CCDC126: variants seen among roughly 807,000 people sequenced by gnomAD.
CCDC126 encodes coiled-coil domain-containing protein 126.
Under a neutral mutation model 11.7 loss-of-function variants are expected in CCDC126, and 5 were observed. That is an observed-to-expected ratio of 0.43 (90% CI 0.22 to 0.90). The LOEUF is 0.90. Among genes scored for constraint, CCDC126 ranks in the 40% least tolerant of loss-of-function variants. The pLI is 0.27. For synonymous variants in CCDC126, 60 were observed against 61.9 expected (o/e 0.97, Z 0.14); for missense variants, 150 against 163.1 (o/e 0.92, Z 0.44).
intron 3 of CCDC126, among the ~76,000 whole-genome samples, chr7:23,630,097 A>G (rs1783084487): frequency 6.6e-6 from 1 of 152,274 alleles, no homozygotes; most frequent in South Asian, 2.1e-4. Context: ...ACAAGTTTTA[A>G]AATTTGTACA....
intron 2 of CCDC126, among the ~76,000 whole-genome samples, chr7:23,602,499 G>A (rs1210295653): frequency 6.6e-6 from 1 of 152,104 alleles, no homozygotes; most frequent in South Asian, 2.1e-4. Flanking sequence ...GGAACACAAA[G>A]CTTTCTTTGC....
intron 2 of CCDC126, among the ~76,000 whole-genome samples, chr7:23,600,676 T>C (rs1782525154): frequency 6.6e-6 from 1 of 152,178 alleles, no homozygotes; most frequent in African/African-American, 2.4e-5. Flanking sequence ...TTGCTGTTGA[T>C]AGTTACTTTA....
intron 3 of CCDC126, among the ~76,000 whole-genome samples, chr7:23,641,667 G>C (rs569850368): frequency 1.3e-5 from 2 of 152,124 alleles, no homozygotes; most frequent in Admixed American, 6.6e-5. Context: ...AACAGTATTC[G>C]TTGTCACTAA....
intron 2 of CCDC126, among the ~76,000 whole-genome samples, chr7:23,610,677 T>A (rs753534934): frequency 6.6e-6 from 1 of 152,216 alleles, no homozygotes; most frequent in Non-Finnish European, 1.5e-5. Flanking sequence ...TAATTTCTGG[T>A]GACATTTTCA....
chr7:23,640,810 A>G (rs928082345), intron 3 of CCDC126, among the ~76,000 whole-genome samples: 1 of 152,172 alleles, frequency 6.6e-6, no homozygotes, highest in African/African-American at 2.4e-5. Context: ...TGTAGCATGT[A>G]TCAGAATGTC....
intron 3 of CCDC126, among the ~76,000 whole-genome samples, chr7:23,634,963 T>G (rs568155270): frequency 6.6e-6 from 1 of 152,352 alleles, no homozygotes; most frequent in South Asian, 2.1e-4. Flanking sequence ...AGAATCTTTT[T>G]ATACCCAATA....
At chr7:23,624,447 A>G (rs1403883337) in intron 3 of CCDC126, among the ~76,000 whole-genome samples, 1 of 152,186 alleles carries the variant, frequency 6.6e-6, no homozygotes, top group African/African-American at 2.4e-5. Context: ...CCAGCCAGAT[A>G]TTATAGAAAT....
intron 3 of CCDC126, among the ~76,000 whole-genome samples, chr7:23,634,782 T>C (rs1783178185): frequency 6.6e-6 from 1 of 152,146 alleles, no homozygotes; most frequent in Non-Finnish European, 1.5e-5. Flanking sequence ...CCCATGATTG[T>C]TTTGTAGTGT....
intron 3 of CCDC126, among the ~76,000 whole-genome samples, chr7:23,625,425 C>T (rs934696023): frequency 6.4e-4 from 98 of 152,118 alleles, no homozygotes; most frequent in Non-Finnish European, 1.2e-4. Context: ...ACCACTTTCC[C>T]GTCAGTGGGA....
intron 2 of CCDC126, among the ~76,000 whole-genome samples, chr7:23,608,822 A>G (rs1305106771): frequency 6.6e-6 from 1 of 152,176 alleles, no homozygotes; most frequent in Non-Finnish European, 1.5e-5. Context: ...GGAAACCAGA[A>G]TTTTATTATT....
chr7:23,634,420 A>G (rs928889840), intron 3 of CCDC126, among the ~76,000 whole-genome samples: 3 of 152,182 alleles, frequency 2.0e-5, no homozygotes, highest in Non-Finnish European at 2.9e-5. Flanking sequence ...GTGCTATTGC[A>G]CTCCAGCCTG....
intron 3 of CCDC126, among the ~76,000 whole-genome samples, chr7:23,621,954 T>G (rs576835934): frequency 6.6e-6 from 1 of 152,294 alleles, no homozygotes; most frequent in Non-Finnish European, 1.5e-5. Context: ...GTGGATAAGC[T>G]TTTTGGTGTG....
At chr7:23,613,760 CT>C (rs1782753678) in intron 3 of CCDC126, among the ~76,000 whole-genome samples, 1 of 152,176 alleles carries the variant, frequency 6.6e-6, no homozygotes, top group Non-Finnish European at 1.5e-5. Context: ...ACTGTGGATT[CT>C]GTTCCAAACC....
At chr7:23,622,396 A>G (rs572553740) in intron 3 of CCDC126, 27 of 334,368 alleles carry the variant, frequency 8.1e-5, no homozygotes, top group African/African-American at 5.2e-4. Flanking sequence ...CTCTGGTGGT[A>G]GTTTGTATTT....
rs1016440261 is a variant in CCDC126, at chr7:23,611,512, A to G, written c.197A>G (p.Asn66Ser). ...AAAGCTCTAGCAGAGGAAAATAAGA[A>G]CACAGTGGATGTCGAGAACGGTGCT... ...YVKALAEENK[N>S]TVDVENGASM... is the part of the protein sequence containing the mutation. Residue 66 changes from asparagine to serine, a missense_variant, in exon 3 of 4, where the codon AAC becomes AGC. Asn to Ser is a conservative substitution (Grantham distance 46, BLOSUM62 1). Transcript: ENST00000307471. 4 of 1,613,914 alleles carry G rather than the reference A, an allele frequency of 2.5e-6. No homozygotes were observed. The highest frequency in any genetic ancestry group is 3.4e-6 in the Non-Finnish European group (4 of 1,179,800).
chr7:23,616,790 C>T (rs1482254327), intron 3 of CCDC126, among the ~76,000 whole-genome samples: 3 of 152,106 alleles, frequency 2.0e-5, no homozygotes, highest in African/African-American at 4.8e-5. Context: ...ATGTGTTGGG[C>T]CCTCAGTGGG....
intron 3 of CCDC126, among the ~76,000 whole-genome samples, chr7:23,621,992 A>G (rs1438756887): frequency 6.6e-6 from 1 of 152,154 alleles, no homozygotes; most frequent in East Asian, 1.9e-4. Context: ...CCAGTGTTTT[A>G]CTGAGGATTT....
intron 3 of CCDC126, among the ~76,000 whole-genome samples, chr7:23,622,276 T>G (rs945763257): frequency 1.3e-5 from 2 of 152,208 alleles, no homozygotes; most frequent in Admixed American, 1.3e-4. Flanking sequence ...ATTGGTGTAT[T>G]CAGAGATTCA....
At chr7:23,614,459 G>T (rs1018640384) in intron 3 of CCDC126, among the ~76,000 whole-genome samples, 3 of 152,094 alleles carry the variant, frequency 2.0e-5, no homozygotes, top group African/African-American at 7.2e-5. Context: ...CATCCATGAG[G>T]GTTGGAATCA....
Sources: gnomAD v4.1 joint callset for allele counts (sites outside exome capture counted in the v4.1 genomes callset) on GRCh38, gnomAD v4.1.1 for gene constraint, MANE v1.5 for transcripts, NCBI Gene and HGNC (gene_info 2026-07-23, HGNC 2026-07-21) for gene names.